Variants in OTUD7A observed in about 807,000 individuals in gnomAD.
The protein encoded by OTUD7A is OTU domain-containing protein 7A.
OTUD7A carries 12 observed loss-of-function variants against 65.7 expected under a neutral mutation model. That is an observed-to-expected ratio of 0.18 (90% CI 0.12 to 0.30). The LOEUF is 0.30. Ranked by LOEUF, OTUD7A falls within the 10% of genes least tolerant of loss-of-function variation. The pLI, the probability that OTUD7A is intolerant of heterozygous loss-of-function variation, is 1.00. For missense variants in OTUD7A, 1,148 were observed against 1,304.8 expected, an observed-to-expected ratio of 0.88 and a Z score of 1.85; for synonymous variants, 641 against 586.3, an observed-to-expected ratio of 1.09 and a Z score of -1.35.
intron 1 of OTUD7A, among the ~76,000 whole-genome samples, chr15:31,828,236 C>G (rs1896846063): frequency 6.6e-6 from 1 of 152,134 alleles, no homozygotes. Flanking sequence ...AACTCTTGAG[C>G]TGGTCACTGA....
In OTUD7A at chr15:31,487,077, G is replaced by T; in HGVS notation, c.1371+117C>A. On this transcript the variant is annotated intron_variant, in intron 12 of 12. Coordinates refer to ENST00000307050, the MANE Select transcript of OTUD7A (RefSeq NM_001382637.1). The surrounding 1 kb of genome is among the most constrained non-coding windows in gnomAD (Gnocchi z 6.0). ...GGCTGTGGGTATGGCTGGGGTGGGC[G>T]GCCGGGCAGGGGCAGGCAAGAGTGT... The T allele has an allele frequency of 1.0e-6, 1 of 991,048 alleles. No homozygotes were observed. Among genetic ancestry groups the T allele is most frequent in the Non-Finnish European group, 1.5e-6 (1 of 666,776 alleles). 61.4% of individuals were successfully genotyped at this position (991,048 alleles called of 1,614,324 possible).
rs962587979 is a variant in OTUD7A at position 31,831,503 on chromosome 15, A to G, written c.-100+39004T>C. Among the ~76,000 whole-genome samples, 5 of 152,330 alleles carry G rather than the reference A, an allele frequency of 3.3e-5. No homozygotes were observed. In the East Asian group the frequency reaches 9.6e-4, roughly 29 times the overall value. ...ATGAAACCCACTACTCACCCACGCC[A>G]ATGCCCTAAGAAAGCAGGCTGCCAG... On this transcript the variant is annotated intron_variant, in intron 1 of 12. Coordinates refer to ENST00000307050, the MANE Select transcript of OTUD7A (RefSeq NM_001382637.1).
At chr15:31,532,688 G>A (rs539695306) in intron 5 of OTUD7A, among the ~76,000 whole-genome samples, 10 of 152,304 alleles carry the variant, frequency 6.6e-5, no homozygotes, top group East Asian at 5.8e-4. Context: ...AGCACTTTGG[G>A]AGGCTGAGGC....
chr15:31,622,767 CAA>C (rs1398655155), intron 3 of OTUD7A, among the ~76,000 whole-genome samples: 2 of 152,230 alleles, frequency 1.3e-5, no homozygotes, highest in African/African-American at 4.8e-5. Flanking sequence ...CTCAACTCGT[CAA>C]AGTCATTCTC....
At chr15:31,642,391 G>A (rs1396082132) in intron 3 of OTUD7A, among the ~76,000 whole-genome samples, 3 of 152,132 alleles carry the variant, frequency 2.0e-5, no homozygotes, top group African/African-American at 7.2e-5. Context: ...TTTTGTATTA[G>A]GGTAATGCTG....
chr15:31,552,846 G>A (rs1360965806), intron 5 of OTUD7A, among the ~76,000 whole-genome samples: 1 of 152,252 alleles, frequency 6.6e-6, no homozygotes, highest in East Asian at 1.9e-4. Flanking sequence ...GGATGGGAAG[G>A]CAAACTTGGC....
intron 3 of OTUD7A, among the ~76,000 whole-genome samples, chr15:31,576,549 G>A (rs953560881): frequency 7.9e-5 from 12 of 152,218 alleles, no homozygotes; most frequent in Middle Eastern, 6.8e-3. Flanking sequence ...ACAAATGTAC[G>A]TCTTACACAT....
At chr15:31,652,597 T>C (rs2141275172) in intron 3 of OTUD7A, among the ~76,000 whole-genome samples, 1 of 152,276 alleles carries the variant, frequency 6.6e-6, no homozygotes, top group East Asian at 1.9e-4. Flanking sequence ...AACAAAAGAT[T>C]TATATTCAGA....
intron 10 of OTUD7A, among the ~76,000 whole-genome samples, chr15:31,492,028 C>T (rs1364856924): frequency 6.6e-6 from 1 of 152,154 alleles, no homozygotes; most frequent in African/African-American, 2.4e-5. Flanking sequence ...AATATGGTAC[C>T]AGTAGAAACT....
intron 5 of OTUD7A, among the ~76,000 whole-genome samples, chr15:31,539,248 C>T (rs1887908667): frequency 6.6e-6 from 1 of 152,154 alleles, no homozygotes; most frequent in South Asian, 2.1e-4. Flanking sequence ...CCCAACCTGG[C>T]TCACTGCCAG....
intron 5 of OTUD7A, among the ~76,000 whole-genome samples, chr15:31,545,955 C>T (rs1888117822): frequency 6.6e-6 from 1 of 152,080 alleles, no homozygotes; most frequent in South Asian, 2.1e-4. Flanking sequence ...AAAAAAATTC[C>T]ATAAAGTTCC....
chr15:31,507,193 T>A (rs1312125991), intron 8 of OTUD7A, among the ~76,000 whole-genome samples: 1 of 152,158 alleles, frequency 6.6e-6, no homozygotes. Flanking sequence ...TTAAAAATAT[T>A]TAGGGTTTTT....
intron 4 of OTUD7A, among the ~76,000 whole-genome samples, chr15:31,568,943 G>A (rs192921294): frequency 3.9e-4 from 60 of 152,264 alleles, no homozygotes; most frequent in Non-Finnish European, 6.8e-4. Flanking sequence ...CATACTTCCT[G>A]TAAAGCCTGC....
intron 1 of OTUD7A, among the ~76,000 whole-genome samples, chr15:31,727,891 G>A (rs1893937281): frequency 6.6e-6 from 1 of 152,124 alleles, no homozygotes; most frequent in African/African-American, 2.4e-5. Flanking sequence ...ACATGTAAAT[G>A]ACACCCCAGG....
chr15:31,644,128 G>A (rs1227761211), intron 3 of OTUD7A, among the ~76,000 whole-genome samples: 5 of 151,820 alleles, frequency 3.3e-5, no homozygotes, highest in Admixed American at 1.3e-4. Flanking sequence ...TGGGGTGGGG[G>A]ATGCCAGAGA....
intron 1 of OTUD7A, among the ~76,000 whole-genome samples, chr15:31,676,003 GACAA>G (rs1207392495): frequency 2.6e-4 from 40 of 152,224 alleles, no homozygotes; most frequent in African/African-American, 8.7e-4. Flanking sequence ...TGTGGAAGCT[GACAA>G]ACAGTTTCTA....
intron 1 of OTUD7A, among the ~76,000 whole-genome samples, chr15:31,776,603 C>T (rs1019159472): frequency 5.3e-5 from 8 of 152,220 alleles, no homozygotes; most frequent in East Asian, 1.9e-4. Flanking sequence ...GACCTGCCTT[C>T]CTCTACTAAA....
At chr15:31,765,757 T>C in intron 1 of OTUD7A, 1 of 1,308,574 alleles carries the variant, frequency 7.6e-7, no homozygotes, top group Middle Eastern at 2.6e-4. Context: ...TATCTTAGAC[T>C]ACAGAACTTT....
chr15:31,780,504 G>A (rs1032020979), intron 1 of OTUD7A, among the ~76,000 whole-genome samples: 10 of 152,344 alleles, frequency 6.6e-5, no homozygotes, highest in Admixed American at 5.9e-4. Flanking sequence ...CTGTGGGAAG[G>A]TGGCTACCTG....
Sources: allele counts gnomAD v4.1 joint callset (sites outside exome capture counted in the v4.1 genomes callset), GRCh38; gene constraint gnomAD v4.1.1; non-coding constraint Gnocchi (gnomAD v3.1); transcripts MANE v1.5; gene names NCBI Gene and HGNC (gene_info 2026-07-23, HGNC 2026-07-21).